ERC1: variants seen among roughly 807,000 people sequenced by gnomAD.
The protein encoded by ERC1 is RAB6 interacting protein 2.
In ERC1, 56 loss-of-function variants were observed where a neutral mutation model predicts 132.0. That is an observed-to-expected ratio of 0.42 (90% CI 0.34 to 0.53). The LOEUF (loss-of-function observed/expected upper bound fraction) is 0.53, where lower values mean the gene tolerates loss of function less well. Among genes scored for constraint, ERC1 ranks in the 20% least tolerant of loss-of-function variants. ERC1 has a pLI of 0.03. For synonymous variants in ERC1, 478 were observed against 476.1 expected, an observed-to-expected ratio of 1.00 and a Z score of -0.05; for missense variants, 1,202 against 1,349.9, an observed-to-expected ratio of 0.89 and a Z score of 1.72.
At position 1,490,765 on chromosome 12, in the gene ERC1, A is replaced by G. The variant is rs1484739418; in HGVS notation, c.*535A>G. 4.3e-6 allele frequency: 1 copy of G among 234,318 alleles called. No homozygotes were observed. Among genetic ancestry groups the G allele is most frequent in the African/African-American group, 2.2e-5 (1 of 45,336 alleles). 14.5% of individuals were successfully genotyped at this position (234,318 alleles called of 1,614,324 possible). ...GAAGAGAAAATCGACTCTTCTTTTT[A>G]CTGTCTCTTCTGCTTACTTTCCACA... is the stretch of plus-strand genomic sequence containing the variant. On this transcript the variant is annotated 3_prime_UTR_variant, in exon 19 of 19. Transcript: ENST00000360905.
rs570587819 is a variant in ERC1 at position 1,484,229 on chromosome 12, T to C, written c.3214-5864T>C. Among the ~76,000 whole-genome samples the C allele has an allele frequency of 1.5e-4, 22 of 151,444 alleles. No individual in the cohort carries two copies. The East Asian group carries it at 2.0e-3, about 14-fold the overall frequency. On this transcript the variant is annotated intron_variant, in intron 18 of 18. Transcript: ENST00000360905. Reference sequence around the variant, plus strand: ...CTGAGGCAGGAGGATGGTGTGAACCTGGGATGTGGAGCTTGCAGTGAGCCG... The same window carrying C: ...CTGAGGCAGGAGGATGGTGTGAACCCGGGATGTGGAGCTTGCAGTGAGCCG...
chr12:1,411,923 C>T (rs2091875687), intron 17 of ERC1, among the ~76,000 whole-genome samples: 3 of 152,198 alleles, frequency 2.0e-5, no homozygotes, highest in Non-Finnish European at 4.4e-5. Context: ...AGTATATAAA[C>T]TTGTTCCTGA....
chr12:1,259,672 G>A (rs554230746), intron 13 of ERC1, among the ~76,000 whole-genome samples: 18 of 151,934 alleles, frequency 1.2e-4, no homozygotes, highest in South Asian at 1.0e-3. Flanking sequence ...ACAGGCGCCC[G>A]CCACAACGCC....
chr12:1,245,859 T>C (rs905903075), intron 13 of ERC1, among the ~76,000 whole-genome samples: 1 of 152,230 alleles, frequency 6.6e-6, no homozygotes, highest in Admixed American at 6.5e-5. Context: ...CTGTGATTTA[T>C]AGTAACTTAT....
intron 2 of ERC1, among the ~76,000 whole-genome samples, chr12:1,080,325 T>G (rs943335728): frequency 6.6e-6 from 1 of 152,350 alleles, no homozygotes; most frequent in Admixed American, 6.5e-5. Context: ...TCTAGTTCCT[T>G]CTTTATCAAT....
chr12:1,370,696 T>C lies in ERC1; in HGVS notation c.2781-1137T>C, dbSNP rs553171897. Among the ~76,000 whole-genome samples the C allele has an allele frequency of 2.5e-3, 382 of 151,938 alleles. 1 individual carries two copies. Among genetic ancestry groups the C allele is most frequent in the Admixed American group, 8.2e-3 (126 of 15,298 alleles). On this transcript the variant is annotated intron_variant, in intron 15 of 18. Coordinates refer to ENST00000360905, the MANE Select transcript of ERC1 (RefSeq NM_178040.4). ...AAATGAAATACTAAGTTCTTACTAA[T>C]ATAGTTTTTTTTAAAAGGTTAACAA... is the stretch of plus-strand genomic sequence containing the variant.
chr12:1,373,064 C>A (rs1460716244), intron 16 of ERC1, among the ~76,000 whole-genome samples: 2 of 152,072 alleles, frequency 1.3e-5, no homozygotes, highest in African/African-American at 4.8e-5. Flanking sequence ...CAAAAAGTAA[C>A]CCATTGCTTA....
intron 12 of ERC1, among the ~76,000 whole-genome samples, chr12:1,192,338 T>C (rs1474351099): frequency 6.6e-6 from 1 of 152,234 alleles, no homozygotes; most frequent in Non-Finnish European, 1.5e-5. Context: ...GTGCATTCTT[T>C]GTCAAAGACA....
chr12:1,209,479 G>C (rs1461055651), intron 12 of ERC1, among the ~76,000 whole-genome samples: 1 of 150,862 alleles, frequency 6.6e-6, no homozygotes, highest in Non-Finnish European at 1.5e-5. Context: ...TGTATGAGAT[G>C]TTCCTATAGT....
At chr12:1,264,063 AC>A (rs760325739) in intron 14 of ERC1, among the ~76,000 whole-genome samples, 1 of 152,152 alleles carries the variant, frequency 6.6e-6, no homozygotes, top group Non-Finnish European at 1.5e-5. Flanking sequence ...TTCATTTCAT[AC>A]CCTGCCTCAT....
chr12:1,074,616 A>C (rs1016433026), intron 2 of ERC1, among the ~76,000 whole-genome samples: 11 of 151,964 alleles, frequency 7.2e-5, no homozygotes, highest in Non-Finnish European at 1.3e-4. Context: ...TTATTCTTTA[A>C]CTTCTATTCT....
intron 15 of ERC1, among the ~76,000 whole-genome samples, chr12:1,368,854 A>G (rs997728504): frequency 6.6e-6 from 1 of 152,252 alleles, no homozygotes; most frequent in African/African-American, 2.4e-5. Flanking sequence ...TGTGCAATAT[A>G]TAATCAAAAC....
chr12:1,048,625 A>T (rs1023263976), intron 2 of ERC1, among the ~76,000 whole-genome samples: 1 of 152,222 alleles, frequency 6.6e-6, no homozygotes, highest in African/African-American at 2.4e-5. Context: ...TCTCTGTCAC[A>T]TCAAGAGTAA....
chr12:1,020,925 G>C (rs1416167924), intron 1 of ERC1: 1 of 152,084 alleles, frequency 6.6e-6, no homozygotes, highest in Non-Finnish European at 1.5e-5. Context: ...TCAGGAGAAT[G>C]AATCTTCCAT....
chr12:1,375,087 T>C (rs1231446457), intron 16 of ERC1, among the ~76,000 whole-genome samples: 2 of 129,090 alleles, frequency 1.5e-5, no homozygotes, highest in Non-Finnish European at 3.3e-5. Context: ...GTTCTAGTCA[T>C]CTGGCAGACA....
At chr12:1,391,759 A>G (rs944774313) in intron 16 of ERC1, among the ~76,000 whole-genome samples, 1 of 152,158 alleles carries the variant, frequency 6.6e-6, no homozygotes, top group Non-Finnish European at 1.5e-5. Flanking sequence ...ACAGGTTTCT[A>G]TGTTGCTAGG....
intron 12 of ERC1, among the ~76,000 whole-genome samples, chr12:1,208,213 T>G (rs1158595699): frequency 1.1e-4 from 16 of 152,160 alleles, no homozygotes; most frequent in Admixed American, 1.0e-3. Context: ...CATTTCAAGT[T>G]TACTTCACAC....
rs185706905 is a variant in ERC1 at position 1,153,334 on chromosome 12, C to T, written c.1737+11547C>T. On this transcript the variant is annotated intron_variant, in intron 8 of 18. Transcript: ENST00000360905. ...GTTAGACAATTGCAGGTTATCACAG[C>T]ACTGTGGGCAAAGCTCCACAATTTC... 8.7e-4 allele frequency among the ~76,000 whole-genome samples: 133 copies of T among 152,362 alleles called. 2 individuals carry two copies. Among genetic ancestry groups the T allele is most frequent in the African/African-American group, 2.9e-3 (122 of 41,588 alleles).
At chr12:1,347,029 T>C (rs935752414) in intron 15 of ERC1, among the ~76,000 whole-genome samples, 4 of 152,124 alleles carry the variant, frequency 2.6e-5, no homozygotes, top group African/African-American at 9.7e-5. Flanking sequence ...TGGTATGTTG[T>C]AGTCCAGAGA....
Sources: gnomAD v4.1 joint callset for allele counts (sites outside exome capture counted in the v4.1 genomes callset) on GRCh38, gnomAD v4.1.1 for gene constraint, MANE v1.5 for transcripts, NCBI Gene and HGNC (gene_info 2026-07-23, HGNC 2026-07-21) for gene names.